WIPF3: variants seen among roughly 807,000 people sequenced by gnomAD.
WIPF3 encodes WAS/WASL-interacting protein family member 3.
Under a neutral mutation model 38.9 loss-of-function variants are expected in WIPF3, and 33 were observed. That is an observed-to-expected ratio of 0.85 (90% CI 0.64 to 1.14). The LOEUF (loss-of-function observed/expected upper bound fraction) is 1.14. Ranked by LOEUF, WIPF3 falls within the 50% of genes most tolerant of loss-of-function variation. The pLI, the probability that WIPF3 is intolerant of heterozygous loss-of-function variation, is 0.00. For synonymous variants in WIPF3, 324 were observed against 269.3 expected (o/e 1.20, Z -1.99); for missense variants, 711 against 652.5 (o/e 1.09, Z -0.98).
chr7:29,817,751 G>C (rs902821202), intron 1 of WIPF3, among the ~76,000 whole-genome samples: 3 of 151,922 alleles, frequency 2.0e-5, no homozygotes, highest in South Asian at 4.2e-4. Flanking sequence ...AATGAATATG[G>C]CTTTATTATT....
At chr7:29,846,437 A>G (rs751252839) in intron 2 of WIPF3, among the ~76,000 whole-genome samples, 9 of 152,370 alleles carry the variant, frequency 5.9e-5, no homozygotes, top group Admixed American at 5.2e-4. Context: ...ACGTTGGCTC[A>G]TGCCTGTAAT....
In WIPF3 at chr7:29,834,716, C is replaced by T; in HGVS notation, c.-9C>T. 6.6e-7 allele frequency: 1 copy of T among 1,504,474 alleles called. No homozygotes were observed. Among genetic ancestry groups the T allele is most frequent in the South Asian group, 1.3e-5 (1 of 74,694 alleles). 93.2% of individuals were successfully genotyped at this position (1,504,474 alleles called of 1,614,324 possible). A position where few individuals can be genotyped will look rare whatever the true frequency, so the allele number is the denominator to read the frequency against. On this transcript the variant is annotated 5_prime_UTR_variant, in exon 2 of 9. Transcript: ENST00000242140. ...CATTCATAAGCAGGAGACATCAACA[C>T]CGTGACACATGCCAGTGCCACCGCC...
chr7:29,857,329 C>T (rs1253546876), intron 2 of WIPF3, among the ~76,000 whole-genome samples: 2 of 151,962 alleles, frequency 1.3e-5, no homozygotes, highest in Non-Finnish European at 2.9e-5. Context: ...GCAACGTGTC[C>T]CTGATTCTTT....
intron 2 of WIPF3, among the ~76,000 whole-genome samples, chr7:29,843,194 T>G (rs968250307): frequency 1.3e-5 from 2 of 152,236 alleles, no homozygotes; most frequent in African/African-American, 4.8e-5. Context: ...GCAGCAGGTT[T>G]CCTTGGTCTG....
chr7:29,878,944 G>T lies in WIPF3; in HGVS notation c.224-65G>T, dbSNP rs1785660574. 6 of 1,532,530 alleles carry T rather than the reference G, an allele frequency of 3.9e-6. No individual in the cohort carries two copies. The highest frequency in any genetic ancestry group is 4.4e-6 in the Non-Finnish European group (5 of 1,128,556). 94.9% of individuals were successfully genotyped at this position (1,532,530 alleles called of 1,614,324 possible). On this transcript the variant is annotated intron_variant, in intron 3 of 8. Transcript: ENST00000242140. The surrounding 1 kb of genome is among the most constrained non-coding windows in gnomAD (Gnocchi z 4.0). Reference sequence around the variant, plus strand: ...GTAGACCAGTGTTAGACCATGGTCTGAAATGAGACCTGGCTGCTCAGCTCT... The same window carrying T: ...GTAGACCAGTGTTAGACCATGGTCTTAAATGAGACCTGGCTGCTCAGCTCT...
rs1785787347 is a variant in WIPF3 at position 29,884,066 on chromosome 7, C to G, written c.572C>G (p.Pro191Arg). The G allele has an allele frequency of 6.8e-7, 1 of 1,464,112 alleles. No homozygotes were observed. The highest frequency in any genetic ancestry group is 9.1e-7 in the Non-Finnish European group (1 of 1,098,508). 90.7% of individuals were successfully genotyped at this position (1,464,112 alleles called of 1,614,324 possible). A position where few individuals can be genotyped will look rare whatever the true frequency, so the allele number is the denominator to read the frequency against. Residue 191 changes from proline to arginine, a missense_variant, in exon 5 of 9, where the codon CCC (proline) becomes CGC (arginine). Transcript: ENST00000242140. ...CCTCCACCCTTACCCCCGCCCCTTC[C>G]CTCTTCCTCCCCCATCAAAACTCCG... ...PPPPPLPPPL[P>R]SSSPIKTPLV...
chr7:29,887,892 C>G (rs1462374132), intron 5 of WIPF3, among the ~76,000 whole-genome samples, 176 bp from the exon 6 acceptor site: 3 of 152,228 alleles, frequency 2.0e-5, no homozygotes, highest in Non-Finnish European at 4.4e-5. Flanking sequence ...GGCTATGCTA[C>G]TTATCCCAAC....
At chr7:29,838,587 A>T (rs1334996058) in intron 2 of WIPF3, among the ~76,000 whole-genome samples, 1 of 152,156 alleles carries the variant, frequency 6.6e-6, no homozygotes, top group South Asian at 2.1e-4. Flanking sequence ...AAAAAGAAGA[A>T]AATGACAAAT....
At chr7:29,822,231 T>C (rs1365639827) in intron 1 of WIPF3, among the ~76,000 whole-genome samples, 1 of 151,304 alleles carries the variant, frequency 6.6e-6, no homozygotes, top group Non-Finnish European at 1.5e-5. Context: ...TCAGATTTAC[T>C]TGAGGAAATG....
intron 8 of WIPF3, chr7:29,906,040 A>T (rs954906119): frequency 6.6e-6 from 1 of 152,214 alleles, no homozygotes; most frequent in African/African-American, 2.4e-5. Context: ...AACAAAAACA[A>T]TAAGAAAAAC....
intron 7 of WIPF3, among the ~76,000 whole-genome samples, chr7:29,899,869 A>T (rs1478136027): frequency 1.3e-5 from 2 of 152,232 alleles, no homozygotes; most frequent in African/African-American, 4.8e-5. Context: ...AGTTGATCAA[A>T]TAGAAGAGAG....
Position 29,834,677 on chromosome 7 carries a change from C to T in WIPF3, c.-48C>T. 7.2e-7 allele frequency: 1 copy of T among 1,394,968 alleles called. No homozygotes were observed. The highest frequency in any genetic ancestry group is 9.3e-7 in the Non-Finnish European group (1 of 1,072,780). 86.4% of individuals were successfully genotyped at this position (1,394,968 alleles called of 1,614,324 possible). ...TTTTTCTCTTTTTCAGAGCAGAAGC[C>T]ACTCTCTTGGGACCATTCATAAGCA... On this transcript the variant is annotated 5_prime_UTR_variant, in exon 2 of 9. Transcript: ENST00000242140.
chr7:29,888,427 T>C (rs1397351062), intron 6 of WIPF3, among the ~76,000 whole-genome samples: 1 of 152,152 alleles, frequency 6.6e-6, no homozygotes, highest in Non-Finnish European at 1.5e-5. Context: ...AGGCCCACTG[T>C]CTAGCCTTCT....
chr7:29,865,768 G>A (rs930279029), intron 2 of WIPF3, among the ~76,000 whole-genome samples: 1 of 152,200 alleles, frequency 6.6e-6, no homozygotes, highest in African/African-American at 2.4e-5. Flanking sequence ...CCTTGGGCTA[G>A]CTGTGAGTCA....
At chr7:29,809,836 C>T (rs1398284217) in intron 1 of WIPF3, among the ~76,000 whole-genome samples, 1 of 152,152 alleles carries the variant, frequency 6.6e-6, no homozygotes, top group Non-Finnish European at 1.5e-5. Flanking sequence ...GTGGGCCAGG[C>T]ACTGTGGAGG....
chr7:29,885,721 C>T (rs1249054116), intron 5 of WIPF3, among the ~76,000 whole-genome samples: 2 of 152,102 alleles, frequency 1.3e-5, no homozygotes, highest in African/African-American at 4.8e-5. Flanking sequence ...GAGGCTAAGG[C>T]AGGAGGATCG....
At chr7:29,838,101 G>T (rs1252932895) in intron 2 of WIPF3, among the ~76,000 whole-genome samples, 1 of 152,124 alleles carries the variant, frequency 6.6e-6, no homozygotes, top group Non-Finnish European at 1.5e-5. Flanking sequence ...TCTATTTTTA[G>T]TAGAGACGGG....
chr7:29,816,301 A>T lies in WIPF3; in HGVS notation c.-58+9623A>T, dbSNP rs545051598. 2.6e-5 allele frequency among the ~76,000 whole-genome samples: 4 copies of T among 151,588 alleles called. No individual in the cohort carries two copies. The East Asian group carries it at 7.8e-4, about 29-fold the overall frequency. ...AGAGAAAAGGCATACTCGTTCTTTT[A>T]TTATTATTATTATTATCATCATCAT... is the stretch of plus-strand genomic sequence containing the variant. On this transcript the variant is annotated intron_variant, in intron 1 of 8. Coordinates refer to ENST00000242140, the MANE Select transcript of WIPF3 (RefSeq NM_001080529.3).
At chr7:29,855,467 T>A (rs1216419625) in intron 2 of WIPF3, among the ~76,000 whole-genome samples, 1 of 152,212 alleles carries the variant, frequency 6.6e-6, no homozygotes, top group Non-Finnish European at 1.5e-5. Context: ...ATATGGAGAA[T>A]TGTGTCAATT....
Sources: allele counts gnomAD v4.1 joint callset (sites outside exome capture counted in the v4.1 genomes callset), GRCh38; gene constraint gnomAD v4.1.1; non-coding constraint Gnocchi (gnomAD v3.1); transcripts MANE v1.5; gene names NCBI Gene and HGNC (gene_info 2026-07-23, HGNC 2026-07-21).